Variants in OXR1 observed in about 807,000 individuals in gnomAD.
OXR1 encodes oxidation resistance protein 1.
A neutral mutation model predicts 104.6 loss-of-function variants in OXR1; 41 were observed. The observed-to-expected ratio is 0.39, with a 90% CI of 0.31 to 0.51. The LOEUF (loss-of-function observed/expected upper bound fraction) is 0.51, where lower values mean the gene tolerates loss of function less well. OXR1 is among the 20% of genes least tolerant of loss of function. The pLI is 0.77. For missense variants in OXR1, 955 were observed against 1,031.9 expected (o/e 0.93, Z 1.02); for synonymous variants, 348 against 348.4 (o/e 1.00, Z 0.01).
chr8:106,345,301 G>T lies in OXR1; in HGVS notation c.-138-14175G>T, dbSNP rs577025325. On this transcript the variant is annotated intron_variant, in intron 1 of 16. Transcript: ENST00000517566. The stretch of plus-strand genomic sequence containing the variant: ...ATATAACAAGGACTCCTAATTGGCA[G>T]GAATTAAAGCTGGTTAGAGCTAGGA... Among the ~76,000 whole-genome samples the T allele has an allele frequency of 2.0e-3, 303 of 152,272 alleles. 1 individual carries two copies. The highest frequency in any genetic ancestry group is 3.5e-3 in the Admixed American group (53 of 15,294).
intron 1 of OXR1, among the ~76,000 whole-genome samples, chr8:106,308,166 G>A (rs1053378795): frequency 6.6e-6 from 1 of 152,146 alleles, no homozygotes; most frequent in African/African-American, 2.4e-5. Context: ...GAGGGCCTGA[G>A]GACCATGGGG....
chr8:106,333,592 C>G (rs753320638), intron 1 of OXR1, among the ~76,000 whole-genome samples: 3 of 152,002 alleles, frequency 2.0e-5, no homozygotes, highest in Non-Finnish European at 2.9e-5. Context: ...ATGTTTTCTT[C>G]TAAGATTGTC....
At chr8:106,582,177 C>CATATATAT (rs71562108) in intron 3 of OXR1, among the ~76,000 whole-genome samples, 1,925 of 119,260 alleles carry the variant, frequency 0.016, 55 homozygotes, top group African/African-American at 0.05. Flanking sequence ...TTTCTATTGA[C>CATATATAT]ATATATATAT....
rs539919462 is a variant in OXR1, at chr8:106,303,414, A to G, written c.-139+33047A>G. On this transcript the variant is annotated intron_variant, in intron 1 of 16. Coordinates refer to ENST00000517566, the MANE Select transcript of OXR1 (RefSeq NM_001198533.2). The stretch of plus-strand genomic sequence containing the variant: ...CCACCACGCCCGGCTAATTTTTTGT[A>G]TTTTTAGTAGAGACGGGGTTTCACT... Among the ~76,000 whole-genome samples the G allele has an allele frequency of 2.0e-5, 3 of 150,702 alleles. No individual in the cohort carries two copies. The South Asian group carries it at 6.3e-4, about 32-fold the overall frequency.
chr8:106,362,993 T>C lies in OXR1; in HGVS notation c.23+3357T>C, dbSNP rs767563160. Among the ~76,000 whole-genome samples the C allele has an allele frequency of 3.5e-4, 53 of 152,214 alleles. 1 individual carries two copies. ...GACATCTTTTTGACCCAAATTATTT[T>C]TCACTGTGATGCCTGCACACACTTT... On this transcript the variant is annotated intron_variant, in intron 2 of 16. Transcript: ENST00000517566.
intron 1 of OXR1, among the ~76,000 whole-genome samples, chr8:106,353,108 A>T (rs149885417): frequency 0.02 from 3,027 of 152,234 alleles, 105 homozygotes; most frequent in African/African-American, 0.068. Flanking sequence ...GCACTATGGG[A>T]GGCAGAGGAG....
chr8:106,747,157 G>A (rs1425683633), intron 16 of OXR1, among the ~76,000 whole-genome samples: 1 of 152,158 alleles, frequency 6.6e-6, no homozygotes, highest in Non-Finnish European at 1.5e-5. Flanking sequence ...AGGCTTTGGA[G>A]TCCAATAGAC....
chr8:106,703,546 G>T (rs1325247841), intron 8 of OXR1, among the ~76,000 whole-genome samples: 1 of 151,606 alleles, frequency 6.6e-6, no homozygotes, highest in Admixed American at 6.6e-5. Flanking sequence ...TGATTTATAT[G>T]TTTGCAATCT....
chr8:106,531,232 T>C (rs1201313100), intron 3 of OXR1, among the ~76,000 whole-genome samples: 1 of 152,174 alleles, frequency 6.6e-6, no homozygotes, highest in Admixed American at 6.6e-5. Context: ...AAAACTAATA[T>C]GCGTTGGATT....
In OXR1 at chr8:106,351,541, T is replaced by A. The variant is rs549403815; in HGVS notation, c.-138-7935T>A. ...GGCCTGTAAGCTGTGGAGACACAGATGCATTCGGGAAAATGCAAATCAGCT... is the reference window on the plus strand; with the variant it reads ...GGCCTGTAAGCTGTGGAGACACAGAAGCATTCGGGAAAATGCAAATCAGCT... On this transcript the variant is annotated intron_variant, in intron 1 of 16. Coordinates refer to ENST00000517566, the MANE Select transcript of OXR1 (RefSeq NM_001198533.2). 3.3e-5 allele frequency among the ~76,000 whole-genome samples: 5 copies of A among 152,310 alleles called. No individual in the cohort carries two copies. In the East Asian group the frequency reaches 7.7e-4, roughly 24 times the overall value.
At chr8:106,729,098 T>A (rs1038475731) in intron 11 of OXR1, among the ~76,000 whole-genome samples, 1 of 152,186 alleles carries the variant, frequency 6.6e-6, no homozygotes, top group Non-Finnish European at 1.5e-5. Flanking sequence ...AAATAATTAC[T>A]TGTACTGACA....
intron 3 of OXR1, among the ~76,000 whole-genome samples, chr8:106,648,357 A>G (rs1824259233): frequency 1.3e-5 from 2 of 152,238 alleles, no homozygotes; most frequent in African/African-American, 4.8e-5. Flanking sequence ...TTAAAATAGG[A>G]ATCATTTAAT....
At chr8:106,684,755 A>G (rs1828524777) in intron 6 of OXR1, among the ~76,000 whole-genome samples, 2 of 152,174 alleles carry the variant, frequency 1.3e-5, no homozygotes, top group Admixed American at 1.3e-4. Flanking sequence ...TAATTTTGAC[A>G]CATTGCCTTT....
chr8:106,497,788 ATG>A (rs5893796), intron 2 of OXR1, among the ~76,000 whole-genome samples: 4,497 of 150,516 alleles, frequency 0.03, 211 homozygotes, highest in African/African-American at 0.1. Flanking sequence ...TGGTCACCAT[ATG>A]TGTGTGTGTG....
chr8:106,740,040 A>G (rs1284763695), intron 13 of OXR1, among the ~76,000 whole-genome samples: 3 of 152,294 alleles, frequency 2.0e-5, no homozygotes, highest in East Asian at 1.9e-4. Flanking sequence ...TAGTCTATCA[A>G]GTATTTTTGT....
chr8:106,744,983 T>C (rs989062869), intron 15 of OXR1, among the ~76,000 whole-genome samples: 1 of 152,198 alleles, frequency 6.6e-6, no homozygotes, highest in Non-Finnish European at 1.5e-5. Context: ...CTTGTAGTTA[T>C]TACAGATTTT....
intron 3 of OXR1, among the ~76,000 whole-genome samples, chr8:106,656,541 A>G (rs1403637188): frequency 6.6e-6 from 1 of 152,234 alleles, no homozygotes; most frequent in Non-Finnish European, 1.5e-5. Flanking sequence ...CATTCCGTCC[A>G]CTGCAACATC....
intron 2 of OXR1, among the ~76,000 whole-genome samples, chr8:106,474,749 A>C (rs1291129010): frequency 6.6e-6 from 1 of 151,892 alleles, no homozygotes; most frequent in Non-Finnish European, 1.5e-5. Flanking sequence ...CTTTCCAGAA[A>C]AGCTTTTCCA....
chr8:106,370,933 C>T (rs1816680072), intron 2 of OXR1, among the ~76,000 whole-genome samples: 1 of 151,986 alleles, frequency 6.6e-6, no homozygotes. Flanking sequence ...GGGAAGAGTC[C>T]CTTCTTTTCA....
Sources: gnomAD v4.1 joint callset for allele counts (sites outside exome capture counted in the v4.1 genomes callset) on GRCh38, gnomAD v4.1.1 for gene constraint, MANE v1.5 for transcripts, NCBI Gene and HGNC (gene_info 2026-07-23, HGNC 2026-07-21) for gene names.